Variants in DYNC2H1 observed in about 807,000 individuals in gnomAD.
DYNC2H1 encodes the protein cytoplasmic dynein 2 heavy chain 1.
In DYNC2H1, 410 loss-of-function variants were observed where a neutral mutation model predicts 570.0. That is an observed-to-expected ratio of 0.72 (90% CI 0.66 to 0.78). DYNC2H1 has a LOEUF of 0.78. DYNC2H1 is among the 30% of genes least tolerant of loss of function. The probability of loss-of-function intolerance (pLI) is 0.00; values close to 1 mark genes in which losing one functional copy is unlikely to be tolerated. For synonymous variants in DYNC2H1, 1,688 were observed against 1,677.6 expected, an observed-to-expected ratio of 1.01 and a Z score of -0.15; for missense variants, 4,865 against 5,046.4, an observed-to-expected ratio of 0.96 and a Z score of 1.09.
At chr11:103,355,075 C>T (rs1940273067) in intron 82 of DYNC2H1, among the ~76,000 whole-genome samples, 1 of 151,874 alleles carries the variant, frequency 6.6e-6, no homozygotes, top group African/African-American at 2.4e-5. Context: ...TATTTTATGT[C>T]TTTGTATTTT....
chr11:103,212,354 C>T (rs1863191037), intron 54 of DYNC2H1, among the ~76,000 whole-genome samples: 1 of 151,564 alleles, frequency 6.6e-6, no homozygotes, highest in Non-Finnish European at 1.5e-5. Flanking sequence ...TGTATACTGC[C>T]CTGGTGATGG....
At chr11:103,410,292 G>A (rs1943028785) in intron 84 of DYNC2H1, among the ~76,000 whole-genome samples, 1 of 152,002 alleles carries the variant, frequency 6.6e-6, no homozygotes. Flanking sequence ...TCCTCCTTGA[G>A]TCTTTTGATT....
intron 85 of DYNC2H1, among the ~76,000 whole-genome samples, chr11:103,450,380 GC>G (rs1944557419): frequency 6.6e-6 from 1 of 152,062 alleles, no homozygotes; most frequent in African/African-American, 2.4e-5. Flanking sequence ...ATTAACAAAA[GC>G]AGAATGCGCA....
chr11:103,127,301 G>A (rs1859052003), intron 12 of DYNC2H1, among the ~76,000 whole-genome samples: 1 of 152,174 alleles, frequency 6.6e-6, no homozygotes, highest in African/African-American at 2.4e-5. Flanking sequence ...AAGAACAACT[G>A]GGAAAATCTA....
intron 83 of DYNC2H1, among the ~76,000 whole-genome samples, chr11:103,358,788 C>A (rs957631882): frequency 2.6e-5 from 4 of 151,932 alleles, no homozygotes; most frequent in African/African-American, 9.7e-5. Context: ...ATAGTACAAC[C>A]ATGTAGGTAT....
Position 103,334,489 on chromosome 11 carries a change from GAA to G in DYNC2H1, c.12039+10500_12039+10501del, listed in dbSNP as rs1390970993. On this transcript the variant is annotated intron_variant, in intron 82 of 88. Coordinates refer to ENST00000375735, the MANE Select transcript of DYNC2H1 (RefSeq NM_001377.3). This position sits in a 1 kb window ranked among gnomAD's most constrained non-coding sequence, Gnocchi z 4.3. ...TTTCATTCTAACAATTCCATGTAAT[GAA>G]GTTTTTTTTAATTACAAAAACCATT... is the stretch of plus-strand genomic sequence containing the variant. Among the ~76,000 whole-genome samples, 4 of 151,198 alleles carry G rather than the reference GAA, an allele frequency of 2.6e-5. No homozygotes were observed. The highest frequency in any genetic ancestry group is 9.7e-5 in the African/African-American group (4 of 41,052).
rs754112901 is a variant in DYNC2H1, at chr11:103,145,750, A to G, written c.2703-2022A>G. ...GCTATGTTCTAGTGATGTATTTTAG[A>G]TAGTATCATAAGAAAATCATTTTTG... On this transcript the variant is annotated intron_variant, in intron 18 of 88. Transcript: ENST00000375735. The surrounding 1 kb of genome is among the most constrained non-coding windows in gnomAD (Gnocchi z 4.2). 1.3e-5 allele frequency among the ~76,000 whole-genome samples: 2 copies of G among 152,214 alleles called. No homozygotes were observed. The highest frequency in any genetic ancestry group is 2.9e-5 in the Non-Finnish European group (2 of 68,028).
At chr11:103,191,725 A>G (rs1003414957) in intron 46 of DYNC2H1, 106 bp downstream of exon 46, 108 of 454,882 alleles carry the variant, frequency 2.4e-4, no homozygotes, top group Non-Finnish European at 2.5e-4. Context: ...ATCACAAGTT[A>G]TATTATTAAA....
rs975191326 is a variant in DYNC2H1 at position 103,277,576 on chromosome 11, C to G, written c.10696-2772C>G. ...TTCTTTTCTGATGTGTCTAATGACC[C>G]TTGCTTATAGTGGATTGTTTTCTCC... On this transcript the variant is annotated intron_variant, in intron 70 of 88. Coordinates refer to ENST00000375735, the MANE Select transcript of DYNC2H1 (RefSeq NM_001377.3). The surrounding 1 kb of genome is among the most constrained non-coding windows in gnomAD (Gnocchi z 4.3). Among the ~76,000 whole-genome samples, 4 of 152,048 alleles carry G rather than the reference C, an allele frequency of 2.6e-5. No homozygotes were observed. Among genetic ancestry groups the G allele is most frequent in the Non-Finnish European group, 5.9e-5 (4 of 68,002 alleles).
At chr11:103,114,353 C>T (rs888619195) in intron 3 of DYNC2H1, 115 bp downstream of exon 3, 11 of 1,206,562 alleles carry the variant, frequency 9.1e-6, no homozygotes, top group African/African-American at 1.6e-5. Context: ...TTTCTCTGAG[C>T]ATAGGTTTTA....
At chr11:103,278,048 C>T (rs763300116) in intron 70 of DYNC2H1, among the ~76,000 whole-genome samples, 23 of 152,160 alleles carry the variant, frequency 1.5e-4, no homozygotes, top group Admixed American at 7.9e-4. Flanking sequence ...GCAGCCATAG[C>T]TGGTTTTAAT....
intron 83 of DYNC2H1, among the ~76,000 whole-genome samples, chr11:103,366,325 CAAAGTT>C (rs1046245790): frequency 2.2e-4 from 33 of 151,970 alleles, no homozygotes; most frequent in Admixed American, 5.9e-4. Flanking sequence ...GCAAGAGAGT[CAAAGTT>C]AAAGTCTTTG....
At chr11:103,312,238 G>T (rs1056599960) in intron 79 of DYNC2H1, among the ~76,000 whole-genome samples, 54 of 151,974 alleles carry the variant, frequency 3.6e-4, no homozygotes, top group Admixed American at 1.9e-3. Context: ...AAATTAGCTG[G>T]GCATGGTGGC....
rs897000880 is a variant in DYNC2H1, at chr11:103,157,170, C to G, written c.4127+400C>G. On this transcript the variant is annotated intron_variant, in intron 26 of 88. Transcript: ENST00000375735. The surrounding 1 kb of genome is among the most constrained non-coding windows in gnomAD (Gnocchi z 4.2). ...CTCTCTTGGTTTTCTGACTGTCTCT[C>G]TAGTTCAACACATAGTTCCTAGTCC... Among the ~76,000 whole-genome samples the G allele has an allele frequency of 6.6e-6, 1 of 152,190 alleles. No homozygotes were observed. The highest frequency in any genetic ancestry group is 1.5e-5 in the Non-Finnish European group (1 of 68,026).
Position 103,325,163 on chromosome 11 carries a change from G to T in DYNC2H1, c.12039+1173G>T, listed in dbSNP as rs1457970915. Reference sequence around the variant, plus strand: ...AACATTTTCTCCTATTCTGTAGGTTGTCTGTTTACTCTGTTGATAGTCTCT... The same window carrying T: ...AACATTTTCTCCTATTCTGTAGGTTTTCTGTTTACTCTGTTGATAGTCTCT... On this transcript the variant is annotated intron_variant, in intron 82 of 88. Transcript: ENST00000375735. This position sits in a 1 kb window ranked among gnomAD's most constrained non-coding sequence, Gnocchi z 4.8. 6.6e-6 allele frequency among the ~76,000 whole-genome samples: 1 copy of T among 152,110 alleles called. No homozygotes were observed. The highest frequency in any genetic ancestry group is 3.2e-3 in the Middle Eastern group (1 of 316).
At chr11:103,221,962 A>G in intron 57 of DYNC2H1, 68 bp from the exon 58 acceptor site, 1 of 1,555,238 alleles carries the variant, frequency 6.4e-7, no homozygotes, top group Non-Finnish European at 8.8e-7. Flanking sequence ...CATTTTGTTA[A>G]ACTGATTTTT....
At chr11:103,357,030 C>G (rs183308213) in intron 82 of DYNC2H1, among the ~76,000 whole-genome samples, 2 of 152,026 alleles carry the variant, frequency 1.3e-5, no homozygotes, top group African/African-American at 4.8e-5. Context: ...TTATTTTAGA[C>G]AAACAGTGAG....
chr11:103,181,510 A>G lies in DYNC2H1; in HGVS notation c.6348-247A>G, dbSNP rs995768545. On this transcript the variant is annotated intron_variant, in intron 39 of 88. Coordinates refer to ENST00000375735, the MANE Select transcript of DYNC2H1 (RefSeq NM_001377.3). The surrounding 1 kb of genome is among the most constrained non-coding windows in gnomAD (Gnocchi z 5.0). ...TAGATGAAATGTATTTGTTTTATAG[A>G]AAATGACATATATATGTATATATAC... is the stretch of plus-strand genomic sequence containing the variant. Among the ~76,000 whole-genome samples the G allele has an allele frequency of 2.0e-5, 3 of 151,614 alleles. No homozygotes were observed. The East Asian group carries it at 5.8e-4, about 29-fold the overall frequency.
chr11:103,298,806 C>T (rs1038166694), intron 75 of DYNC2H1, among the ~76,000 whole-genome samples: 3 of 151,992 alleles, frequency 2.0e-5, no homozygotes, highest in Admixed American at 2.0e-4. Flanking sequence ...TAAGTTTTAG[C>T]AATTTTTTAT....
Sources: allele counts gnomAD v4.1 joint callset (sites outside exome capture counted in the v4.1 genomes callset), GRCh38; gene constraint gnomAD v4.1.1; non-coding constraint Gnocchi (gnomAD v3.1); transcripts MANE v1.5; gene names NCBI Gene and HGNC (gene_info 2026-07-23, HGNC 2026-07-21).